Variants in TAPBPL observed in about 807,000 individuals in gnomAD.
The protein encoded by TAPBPL is tapasin-related protein.
In TAPBPL, 32 loss-of-function variants were observed where a neutral mutation model predicts 44.8. That is an observed-to-expected ratio of 0.71 (90% CI 0.54 to 0.96). The LOEUF is 0.96. Ranked by LOEUF, TAPBPL falls within the 40% of genes least tolerant of loss-of-function variation. The probability of loss-of-function intolerance (pLI) is 0.00; values close to 1 mark genes in which losing one functional copy is unlikely to be tolerated. For synonymous variants in TAPBPL, 230 were observed against 240.7 expected (o/e 0.96, Z 0.41); for missense variants, 520 against 586.6 (o/e 0.89, Z 1.17).
rs527359926 is a variant in TAPBPL at position 6,460,161 on chromosome 12, A to G, written c.1208-694A>G. On this transcript the variant is annotated intron_variant, in intron 5 of 6. Coordinates refer to ENST00000266556, the MANE Select transcript of TAPBPL (RefSeq NM_018009.5). The stretch of plus-strand genomic sequence containing the variant: ...AGCACTGGGCATTATTTGGTTGCTC[A>G]TTAGACTGTGAACTTCCCCAAAACT... Among the ~76,000 whole-genome samples, 3 of 152,368 alleles carry G rather than the reference A, an allele frequency of 2.0e-5. No individual in the cohort carries two copies. The South Asian group carries it at 6.2e-4, about 32-fold the overall frequency.
downstream of TAPBPL, chr12:6,462,762 G>T (rs1949911606): frequency 6.7e-7 from 1 of 1,487,932 alleles, no homozygotes; most frequent in Non-Finnish European, 9.1e-7. Flanking sequence ...AGGCAAGGAG[G>T]AGCCCAGAGG....
intron 3 of TAPBPL, 32 bp from the exon 4 acceptor site, chr12:6,457,374 C>G: frequency 6.3e-7 from 1 of 1,587,182 alleles, no homozygotes; most frequent in Non-Finnish European, 8.6e-7. Context: ...GAGGAAGTAG[C>G]CCACAAATCA....
chr12:6,455,753 G>C (rs1949686712), intron 3 of TAPBPL, among the ~76,000 whole-genome samples: 2 of 145,356 alleles, frequency 1.4e-5, no homozygotes, highest in Non-Finnish European at 3.0e-5. Context: ...AACATAGAGA[G>C]CGAGACCCTC....
intron 1 of TAPBPL, chr12:6,452,766 G>A (rs11064201): frequency 1.7e-6 from 1 of 595,446 alleles, no homozygotes; most frequent in Non-Finnish European, 2.7e-6. Flanking sequence ...TGTTTTCTGA[G>A]AATTCCTTTG....
rs1395531813 is a variant in TAPBPL at position 6,453,501 on chromosome 12, G to A, written c.350G>A (p.Gly117Glu). The A allele has an allele frequency of 1.2e-6, 2 of 1,614,174 alleles. No homozygotes were observed. The highest frequency in any genetic ancestry group is 1.7e-6 in the Non-Finnish European group (2 of 1,180,024). ...AEALLHADCS[G>E]KEVTCEISRY... Reference sequence around the variant, plus strand: ...GCCTTGCTCCATGCTGACTGCAGTGGGAAGGAGGTGACCTGTGAGATCTCC... The same window carrying A: ...GCCTTGCTCCATGCTGACTGCAGTGAGAAGGAGGTGACCTGTGAGATCTCC... The change falls in exon 3 of 7, where the codon GGG becomes GAG. Residue 117 changes from glycine (G) to glutamate (E), a missense_variant. Coordinates refer to ENST00000266556, the MANE Select transcript of TAPBPL (RefSeq NM_018009.5). This position sits in a 1 kb window ranked among gnomAD's most constrained non-coding sequence, Gnocchi z 4.8.
chr12:6,468,233 G>C (rs1945678640), downstream of TAPBPL, among the ~76,000 whole-genome samples: 1 of 152,242 alleles, frequency 6.6e-6, no homozygotes, highest in Admixed American at 6.5e-5. Flanking sequence ...CAGGAGGGAG[G>C]CTGTACACTG....
rs1263277178 is a variant in TAPBPL, at chr12:6,452,289, C to T, written c.41C>T (p.Ala14Val). Residue 14 changes from alanine (A) to valine (V), a missense_variant, in exon 1 of 7, where the codon GCT (alanine) becomes GTT (valine). By Grantham distance (64) the Ala-to-Val change is moderately conservative. Coordinates refer to ENST00000266556, the MANE Select transcript of TAPBPL (RefSeq NM_018009.5). Reference protein sequence around the residue: ...QEGWCLLLCLALSGAAETKPH... With the variant: ...QEGWCLLLCLVLSGAAETKPH... ...GGCTGGTGCCTGCTGCTCTGCCTGGCTCTATCTGGAGCAGCAGAAACCAGT... is the reference window on the plus strand; with the variant it reads ...GGCTGGTGCCTGCTGCTCTGCCTGGTTCTATCTGGAGCAGCAGAAACCAGT... 28 of 1,575,688 alleles carry T rather than the reference C, an allele frequency of 1.8e-5. No individual in the cohort carries two copies. Among genetic ancestry groups the T allele is most frequent in the Non-Finnish European group, 2.3e-5 (27 of 1,161,292 alleles).
chr12:6,455,617 T>A (rs1366769543), intron 3 of TAPBPL, among the ~76,000 whole-genome samples: 1 of 152,096 alleles, frequency 6.6e-6, no homozygotes, highest in Non-Finnish European at 1.5e-5. Context: ...AGATATTTTT[T>A]AATTGATATG....
At chr12:6,452,630 C>G in intron 1 of TAPBPL, 9 of 1,294,752 alleles carry the variant, frequency 7.0e-6, no homozygotes, top group Non-Finnish European at 8.8e-6. Flanking sequence ...GTGAGGAAAT[C>G]ACTTGGAAGG....
In TAPBPL at chr12:6,462,113, T is replaced by C. The variant is rs570055804; in HGVS notation, c.1371T>C (p.His457=). ...CTGACACACAGAGCTCCCATCTCCA[T>C]GAAGACCGCACAGCGCGTGTAAGCC... ...SCADTQSSHL[H]EDRTARVSQP... is the part of the protein sequence containing the mutation. The change falls in exon 7 of 7, where the codon CAT becomes CAC. Residue 457 remains histidine (H), a synonymous_variant. Transcript: ENST00000266556. 1.2e-6 allele frequency: 2 copies of C among 1,613,392 alleles called. No individual in the cohort carries two copies. The highest frequency in any genetic ancestry group is 3.3e-5 in the Admixed American group (2 of 60,000).
At chr12:6,468,182 G>C (rs1250231981), downstream of TAPBPL, among the ~76,000 whole-genome samples, 1 of 152,228 alleles carries the variant, frequency 6.6e-6, no homozygotes, top group Non-Finnish European at 1.5e-5. Context: ...CCGTGCGCCT[G>C]GAAAAGCCAC....
chr12:6,452,362 C>G, intron 1 of TAPBPL, 50 bp downstream of exon 1: 1 of 1,545,842 alleles, frequency 6.5e-7, no homozygotes, highest in South Asian at 1.2e-5. Flanking sequence ...CTACTGAAGC[C>G]CCAGGGTGCC....
chr12:6,463,188 A>T, downstream of TAPBPL: 1 of 1,438,548 alleles, frequency 7.0e-7, no homozygotes, highest in Non-Finnish European at 9.1e-7. This position sits in a 1 kb window ranked among gnomAD's most constrained non-coding sequence, Gnocchi z 4.0. Context: ...AAGGAGGCAA[A>T]GTAGAATTCA....
chr12:6,459,061 T>C lies in TAPBPL; in HGVS notation c.1207+114T>C, dbSNP rs1949777230. On this transcript the variant is annotated intron_variant, in intron 5 of 6. Coordinates refer to ENST00000266556, the MANE Select transcript of TAPBPL (RefSeq NM_018009.5). Reference sequence around the variant, plus strand: ...CATCCACTTTGTTCGCAGCCCTGGCTTCATGCTCCTGCCTCTGCTCCTGAC... The same window carrying C: ...CATCCACTTTGTTCGCAGCCCTGGCCTCATGCTCCTGCCTCTGCTCCTGAC... 5 of 1,211,572 alleles carry C rather than the reference T, an allele frequency of 4.1e-6. No individual in the cohort carries two copies. The South Asian group carries it at 6.0e-5, about 15-fold the overall frequency. The allele number at this position is 1,211,572 out of a possible 1,614,324, so 75.1% of individuals were successfully genotyped here. A position where few individuals can be genotyped will look rare whatever the true frequency, so the allele number is the denominator to read the frequency against.
chr12:6,462,993 G>A (rs1949920687), downstream of TAPBPL: 1 of 1,550,644 alleles, frequency 6.4e-7, no homozygotes, highest in Non-Finnish European at 8.7e-7. Context: ...GAGGGAAGAA[G>A]GAATAAAGGG....
At chr12:6,461,276 T>A (rs934642355) in intron 6 of TAPBPL, 7 of 1,159,066 alleles carry the variant, frequency 6.0e-6, no homozygotes, top group Non-Finnish European at 7.5e-6. Flanking sequence ...TGCAGAGGCC[T>A]CTGCCTTCCT....
downstream of TAPBPL, chr12:6,466,251 G>A (rs1361885204): frequency 4.3e-6 from 7 of 1,614,218 alleles, no homozygotes; most frequent in Non-Finnish European, 5.9e-6. Flanking sequence ...TGGGTTTGCT[G>A]TAGTCGTCTG....
chr12:6,452,339 G>T, intron 1 of TAPBPL, 27 bp downstream of exon 1: 2 of 1,562,818 alleles, frequency 1.3e-6, no homozygotes, highest in Non-Finnish European at 1.7e-6. Context: ...GGGAGAGCTG[G>T]CTGGGAGAAG....
At chr12:6,458,972 C>A in intron 5 of TAPBPL, 25 bp downstream of exon 5, 1 of 1,605,788 alleles carries the variant, frequency 6.2e-7, no homozygotes, top group South Asian at 1.1e-5. Context: ...CTCCTTTTCC[C>A]CACCTCCACA....
Sources: gnomAD v4.1 joint callset for allele counts (sites outside exome capture counted in the v4.1 genomes callset) on GRCh38, gnomAD v4.1.1 for gene constraint, Gnocchi (gnomAD v3.1) non-coding constraint, MANE v1.5 for transcripts, NCBI Gene and HGNC (gene_info 2026-07-23, HGNC 2026-07-21) for gene names.